ITGB1BP1: variants seen among roughly 807,000 people sequenced by gnomAD.
ITGB1BP1 encodes integrin subunit beta 1 binding protein 1.
A neutral mutation model predicts 28.0 loss-of-function variants in ITGB1BP1; 20 were observed. That is an observed-to-expected ratio of 0.71 (90% confidence interval 0.50 to 1.04). ITGB1BP1 has a LOEUF of 1.04. Among genes scored for constraint, ITGB1BP1 ranks in the 50% least tolerant of loss-of-function variants. ITGB1BP1 has a pLI of 0.00. For missense variants in ITGB1BP1, 228 were observed against 242.5 expected, an observed-to-expected ratio of 0.94 and a Z score of 0.40; for synonymous variants, 103 against 89.5, an observed-to-expected ratio of 1.15 and a Z score of -0.85.
In ITGB1BP1 at chr2:9,406,853, AATAC is replaced by A; in HGVS notation, c.580_583del (p.Val194Ter). 1 of 1,612,756 alleles carries A rather than the reference AATAC, an allele frequency of 6.2e-7. No homozygotes were observed. Among genetic ancestry groups the A allele is most frequent in the Non-Finnish European group, 8.5e-7 (1 of 1,178,724 alleles). The stretch of plus-strand genomic sequence containing the variant: ...CAGGATTCAGGGTTTCTCAGATGTT[AATAC>A]AGAGTCAAAAGCGGTGGATAAAACC... On this transcript the variant is annotated frameshift_variant, in exon 7 of 7. Transcript: ENST00000355346. LOFTEE classifies it high-confidence loss of function.
chr2:9,413,281 G>C (rs1227636680), intron 3 of ITGB1BP1, among the ~76,000 whole-genome samples: 2 of 152,148 alleles, frequency 1.3e-5, no homozygotes, highest in Admixed American at 1.3e-4. Context: ...TTTCCAGTTA[G>C]CCGCCAGCTA....
At chr2:9,413,798 C>A in intron 3 of ITGB1BP1, among the ~76,000 whole-genome samples, 1 of 152,232 alleles carries the variant, frequency 6.6e-6, no homozygotes, top group East Asian at 1.9e-4. Context: ...AGATATTTGC[C>A]CTATTCCCCA....
chr2:9,416,273 A>G (rs1437367012), intron 2 of ITGB1BP1, among the ~76,000 whole-genome samples: 3 of 152,128 alleles, frequency 2.0e-5, no homozygotes, highest in South Asian at 4.1e-4. Context: ...TTAATTTTAT[A>G]TATCAACTTC....
chr2:9,407,989 G>A (rs1572682588), intron 5 of ITGB1BP1, 124 bp downstream of exon 5: 1 of 647,270 alleles, frequency 1.5e-6, no homozygotes, highest in East Asian at 2.7e-5. Flanking sequence ...AAGACCAACT[G>A]CCAGGAATGT....
At chr2:9,407,081 T>C in intron 6 of ITGB1BP1, 176 bp from the exon 7 acceptor site, 1 of 621,522 alleles carries the variant, frequency 1.6e-6, no homozygotes, top group South Asian at 2.0e-5. Flanking sequence ...CGTGGGCCCT[T>C]TCTGCCCTCC....
At chr2:9,406,946 G>C (rs765082082) in intron 6 of ITGB1BP1, 41 bp from the exon 7 acceptor site, 1 of 1,462,964 alleles carries the variant, frequency 6.8e-7, no homozygotes, top group South Asian at 1.1e-5. Flanking sequence ...ACATTCATCT[G>C]TCTCTTCGTG....
chr2:9,423,246 G>A, intron 1 of ITGB1BP1, 127 bp downstream of exon 1: 1 of 1,143,646 alleles, frequency 8.7e-7, no homozygotes. Flanking sequence ...CCGAGCCCAG[G>A]CATCCCTCCT....
intron 2 of ITGB1BP1, among the ~76,000 whole-genome samples, chr2:9,416,903 G>A (rs1377423337): frequency 2.6e-5 from 4 of 151,946 alleles, no homozygotes; most frequent in Admixed American, 6.6e-5. Flanking sequence ...TTTAAGCTTC[G>A]ATAACTCTCT....
intron 2 of ITGB1BP1, among the ~76,000 whole-genome samples, chr2:9,416,476 T>TCTGCCTCCAG (rs1009178946): frequency 1.3e-5 from 2 of 151,816 alleles, no homozygotes; most frequent in African/African-American, 2.4e-5. Flanking sequence ...AGGAGAAGAG[T>TCTGCCTCCAG]CTGCCTCCAG....
intron 1 of ITGB1BP1, among the ~76,000 whole-genome samples, chr2:9,420,682 TG>T (rs955362990): frequency 3.9e-5 from 6 of 152,182 alleles, no homozygotes; most frequent in African/African-American, 1.4e-4. Context: ...AGGACAGCAA[TG>T]GGCCCAAAGT....
At chr2:9,420,608 T>G (rs368346592) in intron 1 of ITGB1BP1, among the ~76,000 whole-genome samples, 1 of 152,158 alleles carries the variant, frequency 6.6e-6, no homozygotes, top group African/African-American at 2.4e-5. Flanking sequence ...ATAAATAGCC[T>G]GGAGGCAATG....
chr2:9,419,434 C>G (rs1371687294), intron 1 of ITGB1BP1, among the ~76,000 whole-genome samples: 3 of 152,180 alleles, frequency 2.0e-5, no homozygotes, highest in Non-Finnish European at 4.4e-5. Flanking sequence ...CTAAGATATA[C>G]ACACCTCTCA....
At chr2:9,407,094 C>T (rs1254541876) in intron 6 of ITGB1BP1, 189 bp from the exon 7 acceptor site, 2 of 612,574 alleles carry the variant, frequency 3.3e-6, no homozygotes, top group Non-Finnish European at 5.8e-6. Flanking sequence ...TGCCCTCCTT[C>T]AGAGGAAAGC....
chr2:9,414,033 T>C (rs1003729774), intron 3 of ITGB1BP1, 145 bp downstream of exon 3: 3 of 711,140 alleles, frequency 4.2e-6, no homozygotes, highest in Non-Finnish European at 7.4e-6. Context: ...CGCCAAATCT[T>C]GGTCCACTTC....
At chr2:9,418,567 G>T in intron 2 of ITGB1BP1, 59 bp downstream of exon 2, 1 of 1,132,252 alleles carries the variant, frequency 8.8e-7, no homozygotes, top group Non-Finnish European at 1.4e-6. Flanking sequence ...TACAATATCA[G>T]CTAGAAGAAA....
intron 1 of ITGB1BP1, among the ~76,000 whole-genome samples, chr2:9,421,946 C>T (rs1679926859): frequency 6.6e-6 from 1 of 152,138 alleles, no homozygotes; most frequent in Non-Finnish European, 1.5e-5. Context: ...TATACCCCAC[C>T]TGAAGAGCTC....
chr2:9,422,705 G>T, intron 1 of ITGB1BP1: 1 of 985,610 alleles, frequency 1.0e-6, no homozygotes, highest in African/African-American at 1.7e-5. Flanking sequence ...TTCTGGGGAG[G>T]TGACACCCCA....
Position 9,415,130 on chromosome 2 carries a change from G to A in ITGB1BP1, c.73-874C>T, listed in dbSNP as rs1326262764. On this transcript the variant is annotated intron_variant, in intron 2 of 6. Transcript: ENST00000355346. The surrounding 1 kb of genome is among the most constrained non-coding windows in gnomAD (Gnocchi z 4.1). ...GTGGTGGCTCACGCCTGTAATCCCA[G>A]CACTTTGGGAGGCTGACGTGGGTGG... Among the ~76,000 whole-genome samples, 1 of 152,100 alleles carries A rather than the reference G, an allele frequency of 6.6e-6. No homozygotes were observed. The highest frequency in any genetic ancestry group is 1.9e-4 in the East Asian group (1 of 5,192).
intron 1 of ITGB1BP1, chr2:9,423,090 G>A (rs1464484089): frequency 4.9e-6 from 5 of 1,013,784 alleles, no homozygotes; most frequent in Non-Finnish European, 5.9e-6. Context: ...GAAGAGGCAA[G>A]GAAACGGCCC....
Sources: gnomAD v4.1 joint callset for allele counts (sites outside exome capture counted in the v4.1 genomes callset) on GRCh38, gnomAD v4.1.1 for gene constraint, Gnocchi (gnomAD v3.1) non-coding constraint, MANE v1.5 for transcripts, NCBI Gene and HGNC (gene_info 2026-07-23, HGNC 2026-07-21) for gene names.